Variants in TMEM138 observed in about 807,000 individuals in gnomAD.
TMEM138 encodes the protein transmembrane protein 138.
Under a neutral mutation model 18.1 loss-of-function variants are expected in TMEM138, and 9 were observed. The ratio of observed to expected loss-of-function variants is 0.50; its 90% CI spans 0.30 to 0.87. The LOEUF is 0.87. TMEM138 is among the 40% of genes least tolerant of loss of function. TMEM138 has a pLI of 0.06. For synonymous variants in TMEM138, 79 were observed against 74.8 expected (o/e 1.06, Z -0.29); for missense variants, 189 against 190.6 (o/e 0.99, Z 0.05).
chr11:61,366,060 A>T lies in TMEM138; in HGVS notation c.144A>T (p.Ala48=). Residue 48 remains alanine (A), a synonymous_variant, in exon 3 of 5, where the codon GCA becomes GCT. Transcript: ENST00000278826. ...QLVLFIIQDI[A]VLFNIIIIFL... Reference sequence around the variant, plus strand: ...ATGTCTACAGCATCCAGGATATTGCAGTCCTCTTCAACATCATCATCATTT... The same window carrying T: ...ATGTCTACAGCATCCAGGATATTGCTGTCCTCTTCAACATCATCATCATTT... 1.9e-6 allele frequency: 3 copies of T among 1,613,614 alleles called. No homozygotes were observed. The highest frequency in any genetic ancestry group is 2.5e-6 in the Non-Finnish European group (3 of 1,179,808).
intron 1 of TMEM138, chr11:61,363,106 A>G (rs967590832): frequency 4.0e-4 from 61 of 152,496 alleles, no homozygotes; most frequent in Non-Finnish European, 7.0e-4. Context: ...GCGTGGTGGC[A>G]CGCACCTGTA....
intron 2 of TMEM138, 58 bp downstream of exon 2, chr11:61,364,576 G>A: frequency 1.2e-6 from 2 of 1,607,550 alleles, no homozygotes; most frequent in Non-Finnish European, 1.7e-6. Context: ...GGCCCTGACA[G>A]TGGTGATTTA....
intron 1 of TMEM138, chr11:61,363,129 T>C: frequency 6.6e-6 from 1 of 152,488 alleles, no homozygotes; most frequent in Non-Finnish European, 1.5e-5. Context: ...CCCAGCTACT[T>C]GGGAGGCTGA....
downstream of TMEM138, among the ~76,000 whole-genome samples, chr11:61,372,616 A>T (rs1351598892): frequency 2.6e-5 from 4 of 151,936 alleles, no homozygotes; most frequent in Non-Finnish European, 5.9e-5. Flanking sequence ...CCCCGTCTGT[A>T]CTAAAAAAAA....
downstream of TMEM138, among the ~76,000 whole-genome samples, chr11:61,374,206 G>T (rs1858405152): frequency 7.9e-6 from 1 of 125,846 alleles, no homozygotes; most frequent in African/African-American, 3.1e-5. Context: ...GAAGTACATT[G>T]GCATGATCTC....
At chr11:61,374,969 C>G (rs1445046427), downstream of TMEM138, among the ~76,000 whole-genome samples, 3 of 152,074 alleles carry the variant, frequency 2.0e-5, no homozygotes, top group African/African-American at 4.8e-5. Flanking sequence ...AACAAACAAA[C>G]AAACAAACAA....
intron 2 of TMEM138, 127 bp from the exon 3 acceptor site, chr11:61,365,918 G>A: frequency 8.3e-7 from 1 of 1,203,120 alleles, no homozygotes; most frequent in South Asian, 1.8e-5. Context: ...ATCTCTGTGA[G>A]GGTTTAAGAT....
downstream of TMEM138, among the ~76,000 whole-genome samples, chr11:61,371,222 A>G (rs1321330210): frequency 6.6e-6 from 1 of 152,020 alleles, no homozygotes; most frequent in Non-Finnish European, 1.5e-5. Flanking sequence ...TTTAGTAGAG[A>G]TGGGACTTCA....
downstream of TMEM138, among the ~76,000 whole-genome samples, chr11:61,374,484 G>A (rs1338141994): frequency 6.6e-6 from 1 of 152,044 alleles, no homozygotes; most frequent in East Asian, 1.9e-4. Context: ...ATGACTTAAT[G>A]TACATTATCG....
Position 61,368,653 on chromosome 11 carries a change from C to G in TMEM138, c.433C>G (p.His145Asp). The G allele has an allele frequency of 6.2e-7, 1 of 1,614,146 alleles. No homozygotes were observed. Among genetic ancestry groups the G allele is most frequent in the Non-Finnish European group, 8.5e-7 (1 of 1,180,030 alleles). ...GACAGCCGTAAGACTAGGCGATCCT[C>G]ACTTCTACCAGGACTCTTTGTGGCT... ...KRTAVRLGDP[H>D]FYQDSLWLRK... Residue 145 changes from histidine to aspartate, a missense_variant, in exon 5 of 5, where the codon CAC (histidine) becomes GAC (aspartate). His to Asp is a moderately conservative substitution (Grantham distance 81). Transcript: ENST00000278826.
rs147966742 is a variant in TMEM138 at position 61,368,681 on chromosome 11, G to A, written c.461G>A (p.Arg154His). 176 of 1,613,926 alleles carry A rather than the reference G, an allele frequency of 1.1e-4. 1 individual carries two copies. In the African/African-American group the frequency reaches 1.7e-3, roughly 16 times the overall value. Residue 154 changes from arginine (R) to histidine (H), a missense_variant, in exon 5 of 5, where the codon CGC (arginine) becomes CAC (histidine). Physicochemically the swap from Arg to His is conservative, Grantham distance 29. Coordinates refer to ENST00000278826, the MANE Select transcript of TMEM138 (RefSeq NM_016464.5). Reference sequence around the variant, plus strand: ...TTCTACCAGGACTCTTTGTGGCTGCGCAAGGAGTTCATGCAAGTTCGAAGG... The same window carrying A: ...TTCTACCAGGACTCTTTGTGGCTGCACAAGGAGTTCATGCAAGTTCGAAGG... ...PHFYQDSLWL[R>H]KEFMQVRR
At chr11:61,372,696 G>A (rs1441930447), downstream of TMEM138, among the ~76,000 whole-genome samples, 1 of 152,050 alleles carries the variant, frequency 6.6e-6, no homozygotes, top group African/African-American at 2.4e-5. Context: ...TGAGGCAGAA[G>A]AATGGTGTGA....
chr11:61,363,271 C>CAT (rs1222539918), intron 1 of TMEM138: 1 of 152,180 alleles, frequency 6.6e-6, no homozygotes. Flanking sequence ...AAACCGCGAA[C>CAT]ATATGTCCAA....
chr11:61,366,952 G>T (rs1241566123), intron 3 of TMEM138: 1 of 152,206 alleles, frequency 6.6e-6, no homozygotes, highest in East Asian at 1.9e-4. Context: ...GACTCTTCCA[G>T]AACATTCAAT....
intron 3 of TMEM138, chr11:61,367,525 G>C (rs1348677735): frequency 6.4e-6 from 1 of 156,674 alleles, no homozygotes; most frequent in Non-Finnish European, 1.4e-5. Context: ...AGCCAAAATA[G>C]GTCCTGGCTT....
chr11:61,366,096 C>A lies in TMEM138; in HGVS notation c.180C>A (p.Phe60Leu). The A allele has an allele frequency of 7.4e-6, 12 of 1,614,088 alleles. No homozygotes were observed. Among genetic ancestry groups the A allele is most frequent in the Non-Finnish European group, 1.0e-5 (12 of 1,179,994 alleles). The stretch of plus-strand genomic sequence containing the variant: ...ACATCATCATCATTTTCCTCATGTT[C>A]TTCAACACCTTCGTCTTCCAGGCTG... The part of the protein sequence containing the change: ...LFNIIIIFLM[F>L]FNTFVFQAGL... The change falls in exon 3 of 5, where the codon TTC becomes TTA. Residue 60 changes from phenylalanine (F) to leucine (L), a missense_variant. Physicochemically the swap from Phe to Leu is conservative, Grantham distance 22. Transcript: ENST00000278826.
chr11:61,367,850 T>C (rs1272902307), intron 3 of TMEM138, 73 bp from the exon 4 acceptor site: 9 of 917,108 alleles, frequency 9.8e-6, no homozygotes, highest in South Asian at 4.2e-5. Context: ...CTGGCATCTC[T>C]GCAGCTAACC....
At chr11:61,371,499 G>A (rs1453178942), downstream of TMEM138, among the ~76,000 whole-genome samples, 2 of 152,176 alleles carry the variant, frequency 1.3e-5, no homozygotes, top group South Asian at 2.1e-4. Flanking sequence ...ATAAAACAAG[G>A]ACATGCCAAT....
At chr11:61,370,701 A>G (rs1409185358), downstream of TMEM138, among the ~76,000 whole-genome samples, 1 of 152,238 alleles carries the variant, frequency 6.6e-6, no homozygotes, top group Non-Finnish European at 1.5e-5. Context: ...AGGGTCGCCA[A>G]GCTTTTTTTA....
Sources: allele counts gnomAD v4.1 joint callset (sites outside exome capture counted in the v4.1 genomes callset), GRCh38; gene constraint gnomAD v4.1.1; transcripts MANE v1.5; gene names NCBI Gene and HGNC (gene_info 2026-07-23, HGNC 2026-07-21).